HMGB1: variants seen among roughly 807,000 people sequenced by gnomAD.
HMGB1 encodes the protein high mobility group box 1.
For missense variants in HMGB1, 79 were observed against 253.5 expected (o/e 0.31, Z 4.67); for synonymous variants, 81 against 84.0 (o/e 0.96, Z 0.19).
chr13:30,572,337 G>A (rs1870472783), intron 1 of HMGB1, among the ~76,000 whole-genome samples: 1 of 152,144 alleles, frequency 6.6e-6, no homozygotes, highest in Admixed American at 6.5e-5. Flanking sequence ...TAATGACATT[G>A]GAATTGATTG....
At chr13:30,482,454 C>T (rs1020411070) in intron 1 of HMGB1, among the ~76,000 whole-genome samples, 5 of 152,180 alleles carry the variant, frequency 3.3e-5, no homozygotes, top group Non-Finnish European at 5.9e-5. Context: ...TGGGCATTCA[C>T]CATCTGCTAG....
intron 1 of HMGB1, among the ~76,000 whole-genome samples, chr13:30,511,363 ATGAG>A (rs1374843279): frequency 6.6e-6 from 1 of 152,018 alleles, no homozygotes; most frequent in African/African-American, 2.4e-5. Context: ...CCCTGAGGTA[ATGAG>A]TGAGAGCTGG....
chr13:30,533,756 AAAT>A (rs1281893249), intron 1 of HMGB1, among the ~76,000 whole-genome samples: 4 of 152,170 alleles, frequency 2.6e-5, no homozygotes, highest in African/African-American at 9.7e-5. Flanking sequence ...AAGTGTCATA[AAAT>A]AATAATTCTA....
chr13:30,549,960 G>A (rs1303680656), intron 1 of HMGB1, among the ~76,000 whole-genome samples: 13 of 151,440 alleles, frequency 8.6e-5, no homozygotes, highest in Admixed American at 7.9e-4. Context: ...CAAGTAATCC[G>A]CCTGCCTCAG....
intron 1 of HMGB1, among the ~76,000 whole-genome samples, chr13:30,595,482 G>A (rs1028675413): frequency 6.6e-6 from 1 of 152,168 alleles, no homozygotes; most frequent in African/African-American, 2.4e-5. Context: ...ACAATGATCT[G>A]AGAAAAAGGC....
chr13:30,462,495 G>T, intron 4 of HMGB1, 43 bp downstream of exon 4: 1 of 1,451,318 alleles, frequency 6.9e-7, no homozygotes, highest in Non-Finnish European at 9.7e-7. Flanking sequence ...CATACATCTG[G>T]CGTACTTGTC....
intron 1 of HMGB1, chr13:30,539,471 G>A (rs1214388865): frequency 4.6e-6 from 1 of 216,860 alleles, no homozygotes; most frequent in Non-Finnish European, 9.7e-6. Flanking sequence ...GTCCATATCT[G>A]AGCATATTCA....
chr13:30,464,603 G>C lies in HMGB1; in HGVS notation c.-14-909C>G, dbSNP rs1044293597. 3.0e-6 allele frequency: 3 copies of C among 984,106 alleles called. No individual in the cohort carries two copies. In the East Asian group the frequency reaches 3.4e-4, roughly 113 times the overall value. 61.0% of individuals were successfully genotyped at this position (984,106 alleles called of 1,614,324 possible). A position where few individuals can be genotyped will look rare whatever the true frequency, so the allele number is the denominator to read the frequency against. ...CCCGCGCCGCCGCCGCCCCCATTTT[G>C]TCAGGCTCGGCGCAGGGAGAAGCCC... On this transcript the variant is annotated intron_variant, in intron 1 of 4. Transcript: ENST00000341423.
At position 30,495,159 on chromosome 13, in the gene HMGB1, A is replaced by G. The variant is rs958675445; in HGVS notation, c.-14-31465T>C. 1.6e-4 allele frequency among the ~76,000 whole-genome samples: 25 copies of G among 152,286 alleles called. No individual in the cohort carries two copies. The South Asian group carries it at 3.3e-3, about 20-fold the overall frequency. ...GGCCTCATCATCTTTTGGCTGGACTATTTCAATGGGCTATTCACTGCCATC... is the reference window on the plus strand; with the variant it reads ...GGCCTCATCATCTTTTGGCTGGACTGTTTCAATGGGCTATTCACTGCCATC... On this transcript the variant is annotated intron_variant, in intron 1 of 4. Coordinates refer to the HMGB1 transcript ENST00000405805.
At chr13:30,541,566 A>G (rs772729607) in intron 1 of HMGB1, 1 of 152,592 alleles carries the variant, frequency 6.6e-6, no homozygotes, top group Non-Finnish European at 1.5e-5. Context: ...ATAACAGGAA[A>G]AGCAAATCAA....
At chr13:30,463,933 A>C in intron 1 of HMGB1, 2 of 439,576 alleles carry the variant, frequency 4.5e-6, no homozygotes, top group Non-Finnish European at 7.5e-6. Context: ...TCTAGACACA[A>C]AGATATACCC....
At chr13:30,542,384 C>G (rs1251108759) in intron 1 of HMGB1, 2 of 159,212 alleles carry the variant, frequency 1.3e-5, no homozygotes, top group Non-Finnish European at 2.8e-5. Context: ...ACCGCCTCCC[C>G]TGCCACCCCT....
chr13:30,464,768 T>TGTGTGTGG (rs1886628016), intron 1 of HMGB1: 1 of 222,856 alleles, frequency 4.5e-6, no homozygotes, highest in Non-Finnish European at 7.3e-6. Context: ...CCTTTGTGTG[T>TGTGTGTGG]GTGTGTGTGT....
At chr13:30,600,103 C>T (rs1270135282) in intron 1 of HMGB1, among the ~76,000 whole-genome samples, 2 of 152,178 alleles carry the variant, frequency 1.3e-5, no homozygotes, top group African/African-American at 4.8e-5. Context: ...ACAAAGAGTA[C>T]CACTGAAAGA....
At chr13:30,615,019 T>C (rs746017112) in intron 1 of HMGB1, among the ~76,000 whole-genome samples, 1 of 152,086 alleles carries the variant, frequency 6.6e-6, no homozygotes, top group Non-Finnish European at 1.5e-5. Flanking sequence ...CGAGTTGTCA[T>C]GTTTTATCTA....
chr13:30,603,488 T>G (rs1051682389), intron 1 of HMGB1, among the ~76,000 whole-genome samples: 2 of 152,232 alleles, frequency 1.3e-5, no homozygotes, highest in Non-Finnish European at 2.9e-5. Context: ...GTAGAATCTC[T>G]GAGGTTATGT....
At chr13:30,566,958 G>A (rs1870210198) in intron 1 of HMGB1, among the ~76,000 whole-genome samples, 1 of 152,170 alleles carries the variant, frequency 6.6e-6, no homozygotes, top group Admixed American at 6.5e-5. Flanking sequence ...TTAGAGATTT[G>A]ATGAACACGA....
In HMGB1 at chr13:30,580,878, T is replaced by C. The variant is rs987151499; in HGVS notation, c.-15+35793A>G. ...TATTTTTCCATGTAGCTAATCCTCA[T>C]TGGTCGTTAGAATTGAGACACCCTT... On this transcript the variant is annotated intron_variant, in intron 1 of 4. Coordinates refer to the HMGB1 transcript ENST00000405805. Among the ~76,000 whole-genome samples the C allele has an allele frequency of 5.9e-5, 9 of 152,334 alleles. No homozygotes were observed. In the East Asian group the frequency reaches 1.4e-3, roughly 23 times the overall value.
intron 1 of HMGB1, among the ~76,000 whole-genome samples, chr13:30,583,993 C>T (rs115811746): frequency 4.1e-5 from 6 of 147,664 alleles, no homozygotes; most frequent in Admixed American, 3.4e-4. Flanking sequence ...GAGAGTGAGA[C>T]CTTGTCTCTA....
Sources: allele counts gnomAD v4.1 joint callset (sites outside exome capture counted in the v4.1 genomes callset), GRCh38; gene constraint gnomAD v4.1.1; transcripts MANE v1.5; gene names NCBI Gene and HGNC (gene_info 2026-07-23, HGNC 2026-07-21).